Variants in GYS1 observed in about 807,000 individuals in gnomAD.
GYS1 encodes glycogen synthase 1.
In GYS1, 60 loss-of-function variants were observed where a neutral mutation model predicts 89.1. That is an observed-to-expected ratio of 0.67 (90% CI 0.55 to 0.84). GYS1 has a LOEUF of 0.84. Among genes scored for constraint, GYS1 ranks in the 40% least tolerant of loss-of-function variants. GYS1 has a pLI of 0.00. For synonymous variants in GYS1, 366 were observed against 401.7 expected (o/e 0.91, Z 1.06); for missense variants, 888 against 1,003.1 (o/e 0.89, Z 1.55).
intron 10 of GYS1, among the ~76,000 whole-genome samples, chr19:48,977,595 A>G (rs1005678222): frequency 6.6e-6 from 1 of 152,090 alleles, no homozygotes; most frequent in African/African-American, 2.4e-5. Flanking sequence ...TCCATCTCAA[A>G]ATAAATAAAT....
At chr19:48,978,049 G>A in intron 9 of GYS1, 47 bp from the exon 10 acceptor site, 7 of 1,605,900 alleles carry the variant, frequency 4.4e-6, no homozygotes, top group Non-Finnish European at 6.0e-6. Flanking sequence ...GTAATGAGAG[G>A]GGTTAGTCAG....
At position 48,977,927 on chromosome 19, in the gene GYS1, C is replaced by T. The variant is rs147610727; in HGVS notation, c.1305G>A (p.Thr435=). The T allele has an allele frequency of 1.4e-4, 231 of 1,612,142 alleles. No homozygotes were observed. Among genetic ancestry groups the T allele is most frequent in the Non-Finnish European group, 1.8e-4 (213 of 1,178,216 alleles). Residue 435 remains threonine (T), a synonymous_variant, in exon 10 of 16, where the codon ACG becomes ACA. Coordinates refer to ENST00000323798, the MANE Select transcript of GYS1 (RefSeq NM_002103.5). ...TGCACAGAGGTCCAATCCATACCTG[C>T]GTTGCAAAGATGGCTCTCTTCATCA... is the stretch of plus-strand genomic sequence containing the variant. ...FTMMKRAIFA[T]QRQSFPPVCT...
At position 48,985,915 on chromosome 19, in the gene GYS1, G is replaced by T. The variant is rs1350761804; in HGVS notation, c.613C>A (p.His205Asn). ...AGGTAGCGCCCCAGCAGCGTGGCAT[G>T]GGTGGTGAAGATGGTTGCTACAGGC... ...RLPVATIFTT[H>N]ATLLGRYLCA... The change falls in exon 4 of 16, where the codon CAT becomes AAT. Residue 205 changes from histidine to asparagine, a missense_variant. Transcript: ENST00000323798. 1 of 1,614,168 alleles carries T rather than the reference G, an allele frequency of 6.2e-7. No individual in the cohort carries two copies. Among genetic ancestry groups the T allele is most frequent in the South Asian group, 1.1e-5 (1 of 91,078 alleles).
Position 48,970,947 on chromosome 19 carries a change from G to A in GYS1, c.1626C>T (p.Ile542=). The part of the protein sequence containing the change: ...SGFGCFMEEH[I]ADPSAYGIYI... The stretch of plus-strand genomic sequence containing the variant: ...GCTGACCGTAAGCTGAGGGGTCTGC[G>A]ATGTGTTCCTCCATGAAGCAGCCGA... The change falls in exon 13 of 16, where the codon ATC becomes ATT. Residue 542 remains isoleucine, a synonymous_variant. Coordinates refer to ENST00000323798, the MANE Select transcript of GYS1 (RefSeq NM_002103.5). The A allele has an allele frequency of 6.2e-7, 1 of 1,613,314 alleles. No homozygotes were observed. Among genetic ancestry groups the A allele is most frequent in the South Asian group, 1.1e-5 (1 of 91,062 alleles).
At position 48,978,352 on chromosome 19, in the gene GYS1, A is replaced by G. The variant is rs549174338; in HGVS notation, c.1170-195T>C. On this transcript the variant is annotated intron_variant, in intron 8 of 15. Transcript: ENST00000323798. ...GCAATTCTCCTGCCTCAGCCTCCCG[A>G]GTAGCTGGGATTACAGGCATGAGCC... is the stretch of plus-strand genomic sequence containing the variant. The G allele has an allele frequency of 1.2e-5, 7 of 607,216 alleles. No individual in the cohort carries two copies. The African/African-American group carries it at 1.3e-4, about 11-fold the overall frequency. 37.6% of individuals were successfully genotyped at this position (607,216 alleles called of 1,614,324 possible). A position where few individuals can be genotyped will look rare whatever the true frequency, so the allele number is the denominator to read the frequency against.
Position 48,985,694 on chromosome 19 carries a change from C to T in GYS1, c.679-89G>A, listed in dbSNP as rs2038831943. The T allele has an allele frequency of 1.9e-6, 3 of 1,541,572 alleles. No individual in the cohort carries two copies. In the Admixed American group the frequency reaches 5.1e-5, roughly 26 times the overall value. ...ACTGGGGTCCCAAGAGAAATTGGTG[C>T]TGGGGGCTGGATTCCTGGGTCTGAG... is the stretch of plus-strand genomic sequence containing the variant. On this transcript the variant is annotated intron_variant, in intron 4 of 15. Transcript: ENST00000323798.
chr19:48,979,331 CTTTTCTTTTTTT>C lies in GYS1; in HGVS notation c.1170-1186_1170-1175del, dbSNP rs1568620574. Among the ~76,000 whole-genome samples, 85 of 46,336 alleles carry C rather than the reference CTTTTCTTTTTTT, an allele frequency of 1.8e-3. 1 individual carries two copies. The highest frequency in any genetic ancestry group is 2.6e-3 in the Non-Finnish European group (55 of 21,508). 30.4% of individuals were successfully genotyped at this position (46,336 alleles called of 152,430 possible). A position where few individuals can be genotyped will look rare whatever the true frequency, so the allele number is the denominator to read the frequency against. ...CTTTCTTTGTCTCTTTTTCTTTTTT[CTTTTCTTTTTTT>C]TTTTTTTTTTTTTTTTTTTTTTTTT... is the stretch of plus-strand genomic sequence containing the variant. On this transcript the variant is annotated intron_variant, in intron 8 of 15. Coordinates refer to ENST00000323798, the MANE Select transcript of GYS1 (RefSeq NM_002103.5).
At chr19:48,980,037 A>G (rs537934860) in intron 8 of GYS1, among the ~76,000 whole-genome samples, 251 of 152,096 alleles carry the variant, frequency 1.7e-3, no homozygotes, top group Non-Finnish European at 2.8e-3. Context: ...CTCAACCTCC[A>G]GGGCCAAAAT....
At position 48,969,671 on chromosome 19, in the gene GYS1, G is replaced by A. The variant is rs1321370929; in HGVS notation, c.1891-60C>T. On this transcript the variant is annotated intron_variant, in intron 15 of 15. Transcript: ENST00000323798. ...GCTGAGGACCTCACAGTCCCACCCA[G>A]GCATCCAGCCACCTCTAGGCCTTCC... is the stretch of plus-strand genomic sequence containing the variant. 4.4e-6 allele frequency: 7 copies of A among 1,576,216 alleles called. No homozygotes were observed. The South Asian group carries it at 4.5e-5, about 10-fold the overall frequency.
At chr19:48,987,558 TTCTC>T (rs1344802690) in intron 2 of GYS1, among the ~76,000 whole-genome samples, 173 bp from the exon 3 acceptor site, 1 of 152,220 alleles carries the variant, frequency 6.6e-6, no homozygotes, top group East Asian at 1.9e-4. Context: ...TTAGCCTTAC[TTCTC>T]TATTTGCATG....
rs376523274 is a variant in GYS1, at chr19:48,985,530, C to T, written c.754G>A (p.Ala252Thr). 26 of 1,613,878 alleles carry T rather than the reference C, an allele frequency of 1.6e-5. No individual in the cohort carries two copies. Among genetic ancestry groups the T allele is most frequent in the East Asian group, 1.6e-4 (7 of 44,896 alleles). The change falls in exon 5 of 16, where the codon GCT becomes ACT. Residue 252 changes from alanine (A) to threonine (T), a missense_variant. Coordinates refer to ENST00000323798, the MANE Select transcript of GYS1 (RefSeq NM_002103.5). The part of the protein sequence containing the change: ...YCMERAAAHC[A>T]HVFTTVSQIT... The stretch of plus-strand genomic sequence containing the variant: ...TGGGACACAGTAGTGAAGACGTGAG[C>T]GCAGTGGGCTGCCGCCCTTTCCATG...
chr19:48,980,659 C>CAA (rs35768030), intron 8 of GYS1, among the ~76,000 whole-genome samples: 2,259 of 142,356 alleles, frequency 0.016, 46 homozygotes, highest in African/African-American at 0.055. Context: ...GACTCTGTTT[C>CAA]AAAAAAAAAA....
At chr19:48,980,556 G>A (rs1213992803) in intron 8 of GYS1, among the ~76,000 whole-genome samples, 2 of 151,826 alleles carry the variant, frequency 1.3e-5, no homozygotes, top group Non-Finnish European at 2.9e-5. Flanking sequence ...ATGAATGAAC[G>A]GTTTTACAGA....
At chr19:48,972,484 A>G (rs988190411) in intron 12 of GYS1, among the ~76,000 whole-genome samples, 2 of 148,910 alleles carry the variant, frequency 1.3e-5, no homozygotes, top group Admixed American at 1.3e-4. Flanking sequence ...TATAATTATT[A>G]TTATTATTAT....
intron 3 of GYS1, among the ~76,000 whole-genome samples, chr19:48,986,605 C>T (rs749756651): frequency 9.9e-5 from 15 of 151,436 alleles, no homozygotes; most frequent in Non-Finnish European, 2.1e-4. Context: ...CAGGTTCAAG[C>T]AATTCTCCTG....
In GYS1 at chr19:48,969,280, G is replaced by A; in HGVS notation, c.*8C>T. The A allele has an allele frequency of 6.5e-7, 1 of 1,537,580 alleles. No individual in the cohort carries two copies. The highest frequency in any genetic ancestry group is 8.7e-7 in the Non-Finnish European group (1 of 1,148,206). On this transcript the variant is annotated 3_prime_UTR_variant, in exon 16 of 16. Coordinates refer to ENST00000323798, the MANE Select transcript of GYS1 (RefSeq NM_002103.5). ...GGCAGGACAGGCGGGGAGTGTGGTG[G>A]GGCGGACTTAGTTACGCTCCTCGCC...
At chr19:48,970,427 T>C in intron 14 of GYS1, 119 bp downstream of exon 14, 1 of 863,266 alleles carries the variant, frequency 1.2e-6, no homozygotes, top group Non-Finnish European at 1.9e-6. Flanking sequence ...TCGGCCTGGT[T>C]CATTGCTTAA....
At chr19:48,974,564 G>A in intron 11 of GYS1, 56 bp downstream of exon 11, 1 of 1,224,450 alleles carries the variant, frequency 8.2e-7, no homozygotes, top group Non-Finnish European at 1.2e-6. Context: ...GTGAGGCCCA[G>A]GACCCAACCC....
At chr19:48,980,751 G>A (rs948819964) in intron 8 of GYS1, among the ~76,000 whole-genome samples, 6 of 151,992 alleles carry the variant, frequency 3.9e-5, no homozygotes, top group Non-Finnish European at 1.5e-5. Flanking sequence ...ATGCCAAGGC[G>A]GCTGGATCAC....
Sources: allele counts gnomAD v4.1 joint callset (sites outside exome capture counted in the v4.1 genomes callset), GRCh38; gene constraint gnomAD v4.1.1; transcripts MANE v1.5; gene names NCBI Gene and HGNC (gene_info 2026-07-23, HGNC 2026-07-21).